FBXO46: variants seen among roughly 807,000 people sequenced by gnomAD.
FBXO46 encodes the protein F-box only protein 46.
FBXO46 carries 13 observed loss-of-function variants against 30.7 expected under a neutral mutation model. That is an observed-to-expected ratio of 0.42 (90% CI 0.28 to 0.67). FBXO46 has a LOEUF of 0.67. Ranked by LOEUF, FBXO46 falls within the 30% of genes least tolerant of loss-of-function variation. FBXO46 has a pLI of 0.21. For synonymous variants in FBXO46, 467 were observed against 385.8 expected, an observed-to-expected ratio of 1.21 and a Z score of -2.47; for missense variants, 754 against 871.5, an observed-to-expected ratio of 0.87 and a Z score of 1.70.
intron 1 of FBXO46, among the ~76,000 whole-genome samples, chr19:45,719,563 G>T (rs755496507): frequency 1.8e-4 from 27 of 151,972 alleles, no homozygotes; most frequent in Non-Finnish European, 2.9e-4. Context: ...GACTGCTTGG[G>T]AAAATTAGTA....
chr19:45,727,818 TAAC>T (rs59825311), intron 1 of FBXO46, among the ~76,000 whole-genome samples: 34 of 152,084 alleles, frequency 2.2e-4, no homozygotes, highest in African/African-American at 6.5e-4. Flanking sequence ...AAAAGCAAAC[TAAC>T]AACAACAACA....
rs1037910375 is a variant in FBXO46, at chr19:45,713,086, C to T, written c.410G>A (p.Cys137Tyr). The T allele has an allele frequency of 2.5e-6, 4 of 1,598,044 alleles. No homozygotes were observed. The highest frequency in any genetic ancestry group is 4.5e-5 in the East Asian group (2 of 44,792). ...DSSKAKRRRR[C>Y]LDPTKAPPDP... Reference sequence around the variant, plus strand: ...AGGAGGAGCCTTGGTGGGGTCAAGACAGCGCCTCCGCCGCTTGGCCTTGGA... The same window carrying T: ...AGGAGGAGCCTTGGTGGGGTCAAGATAGCGCCTCCGCCGCTTGGCCTTGGA... The change falls in exon 2 of 2, where the codon TGT (cysteine) becomes TAT (tyrosine). Residue 137 changes from cysteine (C) to tyrosine (Y), a missense_variant. By Grantham distance (194) the Cys-to-Tyr change is radical. Transcript: ENST00000317683. This position sits in a 1 kb window ranked among gnomAD's most constrained non-coding sequence, Gnocchi z 4.7.
intron 1 of FBXO46, among the ~76,000 whole-genome samples, chr19:45,720,708 T>A (rs1968158101): frequency 6.6e-6 from 1 of 152,134 alleles, no homozygotes; most frequent in African/African-American, 2.4e-5. Flanking sequence ...ATCCTCCACC[T>A]TGGCCTCCCC....
Position 45,712,740 on chromosome 19 carries a change from G to T in FBXO46, c.756C>A (p.Pro252=). The part of the protein sequence containing the change: ...PTKGLRKEER[P]GPGPGEVRIA... ...TGCGCACCTCCCCAGGGCCTGGCCC[G>T]GGCCGCTCTTCCTTGCGGAGGCCCT... The change falls in exon 2 of 2, where the codon CCC becomes CCA. Residue 252 remains proline (P), a synonymous_variant. Coordinates refer to ENST00000317683, the MANE Select transcript of FBXO46 (RefSeq NM_001080469.2). This position sits in a 1 kb window ranked among gnomAD's most constrained non-coding sequence, Gnocchi z 8.8. The T allele has an allele frequency of 1.2e-6, 2 of 1,611,622 alleles. No homozygotes were observed. Among genetic ancestry groups the T allele is most frequent in the Non-Finnish European group, 1.7e-6 (2 of 1,178,910 alleles).
intron 1 of FBXO46, among the ~76,000 whole-genome samples, chr19:45,725,990 A>G (rs56202515): frequency 3.9e-4 from 60 of 151,956 alleles, no homozygotes; most frequent in Non-Finnish European, 3.2e-4. Context: ...TCCCGCCTCA[A>G]CCTCCAGAGG....
At chr19:45,729,990 CAGCTCTCCCACTAAT>C (rs1968288206) in intron 1 of FBXO46, among the ~76,000 whole-genome samples, 1 of 152,154 alleles carries the variant, frequency 6.6e-6, no homozygotes, top group South Asian at 2.1e-4. Context: ...CTTCACAGCC[CAGCTCTCCCACTAAT>C]AGTAACGATT....
chr19:45,718,350 C>T (rs1968128990), intron 1 of FBXO46, among the ~76,000 whole-genome samples: 1 of 152,140 alleles, frequency 6.6e-6, no homozygotes, highest in Non-Finnish European at 1.5e-5. Flanking sequence ...ATCTGATTTC[C>T]TAGTCACTGT....
chr19:45,727,760 T>C (rs796440016), intron 1 of FBXO46, among the ~76,000 whole-genome samples: 10 of 152,336 alleles, frequency 6.6e-5, no homozygotes, highest in African/African-American at 2.4e-4. Context: ...ATTTACAAAG[T>C]TGTCAAACTG....
chr19:45,729,394 C>T (rs1250179653), intron 1 of FBXO46, among the ~76,000 whole-genome samples: 1 of 152,202 alleles, frequency 6.6e-6, no homozygotes, highest in African/African-American at 2.4e-5. Context: ...CACTGCACTC[C>T]AGCCTGGGTG....
At position 45,712,165 on chromosome 19, in the gene FBXO46, G is replaced by T; in HGVS notation, c.1331C>A (p.Ser444Tyr). 1 of 1,598,344 alleles carries T rather than the reference G, an allele frequency of 6.3e-7. No homozygotes were observed. The highest frequency in any genetic ancestry group is 8.5e-7 in the Non-Finnish European group (1 of 1,173,128). The change falls in exon 2 of 2, where the codon TCC becomes TAC. Residue 444 changes from serine to tyrosine, a missense_variant. Ser to Tyr is a moderately radical substitution (Grantham distance 144). Transcript: ENST00000317683. This position sits in a 1 kb window ranked among gnomAD's most constrained non-coding sequence, Gnocchi z 8.8. Reference protein sequence around the residue: ...PDDAEGTADTSLCRLYRHVSH... With the variant: ...PDDAEGTADTYLCRLYRHVSH... ...CACGTGCCGGTACAAGCGGCACAGG[G>T]AGGTGTCCGCCGTGCCCTCGGCATC... is the stretch of plus-strand genomic sequence containing the variant.
At chr19:45,717,542 G>A (rs1001170999) in intron 1 of FBXO46, among the ~76,000 whole-genome samples, 5 of 152,202 alleles carry the variant, frequency 3.3e-5, no homozygotes, top group African/African-American at 9.6e-5. Flanking sequence ...GGGTGGTGGG[G>A]TAGACACAGC....
At chr19:45,715,147 A>T (rs1184887177) in intron 1 of FBXO46, 1 of 152,206 alleles carries the variant, frequency 6.6e-6, no homozygotes, top group African/African-American at 2.4e-5. Flanking sequence ...CTTGCGCATG[A>T]GTCCGACATG....
chr19:45,720,066 G>A (rs1968148898), intron 1 of FBXO46, among the ~76,000 whole-genome samples: 1 of 151,892 alleles, frequency 6.6e-6, no homozygotes, highest in African/African-American at 2.4e-5. Flanking sequence ...GTGCAATCTC[G>A]CCTCAACGCA....
intron 1 of FBXO46, among the ~76,000 whole-genome samples, chr19:45,717,767 G>T (rs1423661497): frequency 7.3e-6 from 1 of 136,362 alleles, no homozygotes; most frequent in African/African-American, 2.7e-5. Context: ...TCCAGCTTTG[G>T]TTGGGAACTG....
In FBXO46 at chr19:45,712,305, G is replaced by C. The variant is rs777294320; in HGVS notation, c.1191C>G (p.Val397=). ...CCGGAGGCGGCGGTTCCTCCGGGCT[G>C]ACCGTCAGGCACACAGTCTCCTCCT... The part of the protein sequence containing the change: ...NVKEETVCLT[V]SPEEPPPPGQ... The change falls in exon 2 of 2, where the codon GTC becomes GTG. Residue 397 remains valine, a synonymous_variant. Coordinates refer to ENST00000317683, the MANE Select transcript of FBXO46 (RefSeq NM_001080469.2). This position sits in a 1 kb window ranked among gnomAD's most constrained non-coding sequence, Gnocchi z 8.8. The C allele has an allele frequency of 1.2e-6, 2 of 1,601,740 alleles. No individual in the cohort carries two copies. The highest frequency in any genetic ancestry group is 4.5e-5 in the East Asian group (2 of 44,864).
chr19:45,728,059 C>T (rs1423503482), intron 1 of FBXO46, among the ~76,000 whole-genome samples: 1 of 152,192 alleles, frequency 6.6e-6, no homozygotes, highest in Non-Finnish European at 1.5e-5. Context: ...GCCTCAGGCT[C>T]CTGAGTAGCT....
chr19:45,717,831 A>T (rs759629802), intron 1 of FBXO46, among the ~76,000 whole-genome samples: 38 of 152,008 alleles, frequency 2.5e-4, no homozygotes, highest in Admixed American at 3.3e-4. Flanking sequence ...GCATCGGGAT[A>T]ACCCCACCCT....
intron 1 of FBXO46, among the ~76,000 whole-genome samples, chr19:45,722,929 C>G (rs1968193542): frequency 6.6e-6 from 1 of 152,044 alleles, no homozygotes; most frequent in Non-Finnish European, 1.5e-5. Context: ...TGACAGGCGC[C>G]TATAATCCCT....
rs1968025793 is a variant in FBXO46, at chr19:45,713,155, C to T, written c.341G>A (p.Arg114Gln). The change falls in exon 2 of 2, where the codon CGG becomes CAG. Residue 114 changes from arginine (R) to glutamine (Q), a missense_variant. Transcript: ENST00000317683. The surrounding 1 kb of genome is among the most constrained non-coding windows in gnomAD (Gnocchi z 4.7). ...FVAHQCGGGSRASSMKVKGHW... is the reference protein window; with the variant it reads ...FVAHQCGGGSQASSMKVKGHW... ...CCCCTTGACCTTCATGGAGCTGGCC[C>T]GGCTGCCCCCACCACACTGGTGGGC... is the stretch of plus-strand genomic sequence containing the variant. 6 of 1,613,500 alleles carry T rather than the reference C, an allele frequency of 3.7e-6. No individual in the cohort carries two copies. Among genetic ancestry groups the T allele is most frequent in the Non-Finnish European group, 5.1e-6 (6 of 1,179,802 alleles).
Sources: gnomAD v4.1 joint callset for allele counts (sites outside exome capture counted in the v4.1 genomes callset) on GRCh38, gnomAD v4.1.1 for gene constraint, Gnocchi (gnomAD v3.1) non-coding constraint, MANE v1.5 for transcripts, NCBI Gene and HGNC (gene_info 2026-07-23, HGNC 2026-07-21) for gene names.